TRPM3: variants seen among roughly 807,000 people sequenced by gnomAD.
The protein encoded by TRPM3 is long transient receptor potential channel 3.
A neutral mutation model predicts 181.2 loss-of-function variants in TRPM3; 77 were observed. The ratio of observed to expected loss-of-function variants is 0.42; its 90% CI spans 0.35 to 0.51. TRPM3 has a LOEUF of 0.51. TRPM3 is among the 20% of genes least tolerant of loss of function. The pLI, the probability that TRPM3 is intolerant of heterozygous loss-of-function variation, is 0.01. For synonymous variants in TRPM3, 745 were observed against 796.4 expected (o/e 0.94, Z 1.09); for missense variants, 1,759 against 2,196.7 (o/e 0.80, Z 3.98).
chr9:70,631,147 A>C (rs1479406553), intron 12 of TRPM3, among the ~76,000 whole-genome samples: 3 of 152,198 alleles, frequency 2.0e-5, no homozygotes, highest in African/African-American at 7.2e-5. Flanking sequence ...AGAAAAGTGG[A>C]CTGCAGTTGG....
chr9:70,969,630 AT>A (rs1415720113), intron 1 of TRPM3, among the ~76,000 whole-genome samples: 2 of 151,264 alleles, frequency 1.3e-5, no homozygotes, highest in African/African-American at 4.9e-5. Context: ...CAGATAGAAT[AT>A]TGTGTTGAAA....
intron 1 of TRPM3, among the ~76,000 whole-genome samples, chr9:71,066,471 C>G (rs1428463774): frequency 6.6e-6 from 1 of 152,064 alleles, no homozygotes; most frequent in Non-Finnish European, 1.5e-5. Flanking sequence ...ACAGGTCTTC[C>G]CGGTCATAAA....
intron 1 of TRPM3, among the ~76,000 whole-genome samples, chr9:71,379,404 C>T (rs1386500174): frequency 6.6e-6 from 1 of 152,068 alleles, no homozygotes. Context: ...AATTGACTAA[C>T]TGGCATTTAT....
At chr9:70,798,881 A>G (rs189962398) in intron 6 of TRPM3, among the ~76,000 whole-genome samples, 1 of 152,328 alleles carries the variant, frequency 6.6e-6, no homozygotes, top group African/African-American at 2.4e-5. Flanking sequence ...TCAGAGACCT[A>G]GAGAAGAACA....
At position 71,000,086 on chromosome 9, in the gene TRPM3, C is replaced by T. The variant is rs987618009; in HGVS notation, c.177+121092G>A. 2.6e-5 allele frequency among the ~76,000 whole-genome samples: 4 copies of T among 152,178 alleles called. No homozygotes were observed. The East Asian group carries it at 7.7e-4, about 29-fold the overall frequency. On this transcript the variant is annotated intron_variant, in intron 1 of 25. Coordinates refer to ENST00000677713, the MANE Select transcript of TRPM3 (RefSeq NM_001366145.2). Reference sequence around the variant, plus strand: ...CAGAGACAGCTGACCCAAATTGTGACTTCTCTGAGGGAAGGGAAACCCCTC... The same window carrying T: ...CAGAGACAGCTGACCCAAATTGTGATTTCTCTGAGGGAAGGGAAACCCCTC...
At chr9:70,754,767 A>C (rs2076762855) in intron 8 of TRPM3, among the ~76,000 whole-genome samples, 1 of 152,184 alleles carries the variant, frequency 6.6e-6, no homozygotes. Flanking sequence ...GAATCAAAAG[A>C]AACTTGAAGG....
At chr9:70,979,115 G>A (rs562011698) in intron 1 of TRPM3, among the ~76,000 whole-genome samples, 1 of 152,228 alleles carries the variant, frequency 6.6e-6, no homozygotes, top group South Asian at 2.1e-4. Flanking sequence ...CCTAGTGACA[G>A]GTCAATTTAT....
intron 1 of TRPM3, among the ~76,000 whole-genome samples, chr9:71,070,475 A>C (rs1320407182): frequency 6.6e-6 from 1 of 152,232 alleles, no homozygotes. Flanking sequence ...TTTGTTCTCT[A>C]AATTCTCTTG....
chr9:71,273,699 T>C (rs948730544), intron 1 of TRPM3, among the ~76,000 whole-genome samples: 9 of 152,184 alleles, frequency 5.9e-5, no homozygotes, highest in Admixed American at 2.0e-4. Context: ...TTGGAACTCT[T>C]TGGGGAGATA....
intron 1 of TRPM3, among the ~76,000 whole-genome samples, chr9:70,908,474 G>A (rs1160733800): frequency 6.6e-6 from 1 of 152,164 alleles, no homozygotes; most frequent in Admixed American, 6.5e-5. Flanking sequence ...AGAAATGTGG[G>A]GCCAAAATCC....
At chr9:70,895,842 C>T (rs561664062) in intron 1 of TRPM3, among the ~76,000 whole-genome samples, 1 of 152,256 alleles carries the variant, frequency 6.6e-6, no homozygotes, top group East Asian at 1.9e-4. Context: ...ATCAGGAACA[C>T]ACCTGGAAGA....
At chr9:71,098,293 A>G (rs955751561) in intron 1 of TRPM3, among the ~76,000 whole-genome samples, 43 of 152,164 alleles carry the variant, frequency 2.8e-4, no homozygotes, top group African/African-American at 1.0e-3. Flanking sequence ...GCACCTCAAC[A>G]TTAATTTATT....
At chr9:71,398,260 G>A (rs1403832644) in intron 1 of TRPM3, among the ~76,000 whole-genome samples, 17 of 152,042 alleles carry the variant, frequency 1.1e-4, no homozygotes, top group South Asian at 4.2e-4. Flanking sequence ...TTCTTATCCC[G>A]GCTGCATATT....
chr9:70,783,785 TCCTG>T, intron 7 of TRPM3: 1 of 964,632 alleles, frequency 1.0e-6, no homozygotes. Flanking sequence ...AAAACTCAAT[TCCTG>T]CTTCTCCTTA....
chr9:71,270,401 A>C (rs1308311361), intron 1 of TRPM3, among the ~76,000 whole-genome samples: 1 of 152,190 alleles, frequency 6.6e-6, no homozygotes, highest in Non-Finnish European at 1.5e-5. Flanking sequence ...TCAATCATTC[A>C]GAATATATTT....
intron 1 of TRPM3, among the ~76,000 whole-genome samples, chr9:71,247,771 A>C (rs917677656): frequency 2.6e-5 from 4 of 152,188 alleles, no homozygotes; most frequent in Non-Finnish European, 5.9e-5. Flanking sequence ...TCTGCTGCTT[A>C]GTCATTAGTG....
chr9:70,841,646 ATATATATATATATAT>A (rs1564540012), intron 5 of TRPM3, among the ~76,000 whole-genome samples: 22 of 131,858 alleles, frequency 1.7e-4, no homozygotes, highest in Admixed American at 8.2e-4. Context: ...ATATATATAT[ATATATATATATATAT>A]CCCACCATAT....
At chr9:71,022,113 G>A (rs1368943738) in intron 1 of TRPM3, among the ~76,000 whole-genome samples, 2 of 152,164 alleles carry the variant, frequency 1.3e-5, no homozygotes, top group African/African-American at 4.8e-5. Flanking sequence ...ATTTAAGTGG[G>A]AGGATTCATT....
intron 1 of TRPM3, among the ~76,000 whole-genome samples, chr9:70,886,531 C>G (rs1416732090): frequency 6.6e-6 from 1 of 152,116 alleles, no homozygotes; most frequent in East Asian, 1.9e-4. Context: ...CTTTGCTGCC[C>G]TGAACTCAGA....
Sources: allele counts gnomAD v4.1 joint callset (sites outside exome capture counted in the v4.1 genomes callset), GRCh38; gene constraint gnomAD v4.1.1; transcripts MANE v1.5; gene names NCBI Gene and HGNC (gene_info 2026-07-23, HGNC 2026-07-21).